Variants in UGT2A3 observed in about 807,000 individuals in gnomAD.
The protein encoded by UGT2A3 is UDP-glucuronosyltransferase 2A3.
A neutral mutation model predicts 44.1 loss-of-function variants in UGT2A3; 55 were observed. That is an observed-to-expected ratio of 1.25 (90% CI 1.00 to 1.56). The LOEUF (loss-of-function observed/expected upper bound fraction) is 1.56, where lower values mean the gene tolerates loss of function less well. UGT2A3 is among the 40% of genes most tolerant of loss of function. UGT2A3 has a pLI of 0.00. For missense variants in UGT2A3, 733 were observed against 621.6 expected (o/e 1.18, Z -1.91); for synonymous variants, 243 against 215.1 (o/e 1.13, Z -1.13).
intron 1 of UGT2A3, among the ~76,000 whole-genome samples, chr4:68,950,567 CTT>C (rs1718545773): frequency 6.6e-6 from 1 of 151,812 alleles, no homozygotes; most frequent in African/African-American, 2.4e-5. Context: ...AGTCTTTTAA[CTT>C]TTTATAATAT....
At chr4:68,935,240 C>G (rs974993756) in intron 2 of UGT2A3, among the ~76,000 whole-genome samples, 22 of 142,482 alleles carry the variant, frequency 1.5e-4, no homozygotes, top group African/African-American at 5.4e-4. Context: ...ACCCTGATCC[C>G]ACACCAGACA....
chr4:68,938,532 A>C (rs1308712718), intron 2 of UGT2A3, among the ~76,000 whole-genome samples: 1 of 152,148 alleles, frequency 6.6e-6, no homozygotes, highest in East Asian at 1.9e-4. Context: ...TCAATAAACT[A>C]GGAATTGATG....
intron 2 of UGT2A3, among the ~76,000 whole-genome samples, chr4:68,939,080 T>C (rs1451586054): frequency 6.6e-6 from 1 of 152,180 alleles, no homozygotes; most frequent in East Asian, 1.9e-4. Context: ...CATTCCATGC[T>C]CATGGATAGG....
chr4:68,949,602 T>C (rs988007157), intron 1 of UGT2A3, among the ~76,000 whole-genome samples: 3 of 151,900 alleles, frequency 2.0e-5, no homozygotes, highest in African/African-American at 7.2e-5. Flanking sequence ...TTACGCCAAA[T>C]TGATTAGCTT....
chr4:68,935,897 T>C (rs370174975), intron 2 of UGT2A3, among the ~76,000 whole-genome samples: 1 of 151,926 alleles, frequency 6.6e-6, no homozygotes, highest in Non-Finnish European at 1.5e-5. Flanking sequence ...AACCATAGCA[T>C]GAGAACGTCA....
chr4:68,930,646 C>A lies in UGT2A3; in HGVS notation c.1204G>T (p.Ala402Ser). Residue 402 changes from alanine to serine, a missense_variant, in exon 5 of 6, where the codon GCT (alanine) becomes TCT (serine). By Grantham distance (99) the Ala-to-Ser change is moderately conservative. Transcript: ENST00000251566. Reference protein sequence around the residue: ...PIFGDQLDNIAHMKAKGAAVE... With the variant: ...PIFGDQLDNISHMKAKGAAVE... ...GCTGCTCCTTTGGCCTTCATGTGAG[C>A]TATGTTATCAAGCTGATCACCAAAT... 1 of 1,613,534 alleles carries A rather than the reference C, an allele frequency of 6.2e-7. No individual in the cohort carries two copies. The highest frequency in any genetic ancestry group is 8.5e-7 in the Non-Finnish European group (1 of 1,179,686).
rs1717668194 is a variant in UGT2A3 at position 68,930,044 on chromosome 4, A to C, written c.1353T>G (p.Pro451=). The change falls in exon 6 of 6, where the codon CCT becomes CCG. Residue 451 remains proline (P), a synonymous_variant. Coordinates refer to ENST00000251566, the MANE Select transcript of UGT2A3 (RefSeq NM_024743.4). ...MRLSRIHHDQ[P]VKPLDRAVFW... is the part of the protein sequence containing the mutation. ...AGACTGCTCGATCTAGGGGCTTTACAGGTTGATCATGGTGAATTCTTGATA... is the reference window on the plus strand; with the variant it reads ...AGACTGCTCGATCTAGGGGCTTTACCGGTTGATCATGGTGAATTCTTGATA... 2 of 1,613,346 alleles carry C rather than the reference A, an allele frequency of 1.2e-6. No homozygotes were observed. The highest frequency in any genetic ancestry group is 1.7e-6 in the Non-Finnish European group (2 of 1,179,580).
intron 1 of UGT2A3, among the ~76,000 whole-genome samples, chr4:68,948,439 CTTTTTTTTTT>C (rs60082800): frequency 9.1e-5 from 10 of 110,160 alleles, no homozygotes; most frequent in South Asian, 8.4e-4. Flanking sequence ...TCTTTTTTTT[CTTTTTTTTTT>C]TTTTTTTTTT....
intron 2 of UGT2A3, among the ~76,000 whole-genome samples, chr4:68,934,004 T>C (rs1181942279): frequency 1.3e-5 from 2 of 151,992 alleles, no homozygotes; most frequent in Non-Finnish European, 2.9e-5. Context: ...ATCAGGTGGT[T>C]ATCTTTTTAA....
chr4:68,939,224 T>C (rs1428837369), intron 2 of UGT2A3, among the ~76,000 whole-genome samples: 1 of 151,798 alleles, frequency 6.6e-6, no homozygotes, highest in Non-Finnish European at 1.5e-5. Context: ...GAAGCAAAAA[T>C]GAGCCTGCAT....
At chr4:68,935,291 T>TATAC (rs1717900265) in intron 2 of UGT2A3, among the ~76,000 whole-genome samples, 1 of 80,050 alleles carries the variant, frequency 1.2e-5, no homozygotes, top group Non-Finnish European at 2.2e-5. Context: ...TATATATATA[T>TATAC]ATATATATAT....
At chr4:68,939,512 C>T (rs866827725) in intron 2 of UGT2A3, among the ~76,000 whole-genome samples, 39 of 151,758 alleles carry the variant, frequency 2.6e-4, no homozygotes, top group Middle Eastern at 3.4e-3. Context: ...AAAGTTGAAA[C>T]GGATCCCTTC....
chr4:68,929,981 C>T lies in UGT2A3; in HGVS notation c.1416G>A (p.Lys472=). 6.2e-7 allele frequency: 1 copy of T among 1,613,620 alleles called. No homozygotes were observed. Among genetic ancestry groups the T allele is most frequent in the Non-Finnish European group, 8.5e-7 (1 of 1,179,686 alleles). ...GGTCATGGGCAGCTGATCGCAGGTG[C>T]TTGGCTCCTTTGTGGCGCATGACAA... ...IEFVMRHKGA[K]HLRSAAHDLT... Residue 472 remains lysine, a synonymous_variant, in exon 6 of 6, where the codon AAG becomes AAA. Coordinates refer to ENST00000251566, the MANE Select transcript of UGT2A3 (RefSeq NM_024743.4).
At chr4:68,933,786 G>T (rs1460396860) in intron 2 of UGT2A3, among the ~76,000 whole-genome samples, 1 of 151,954 alleles carries the variant, frequency 6.6e-6, no homozygotes, top group Non-Finnish European at 1.5e-5. Flanking sequence ...TTAAGTTCTG[G>T]CACAGCATTA....
In UGT2A3 at chr4:68,928,697, C is replaced by G. The variant is rs895267995; in HGVS notation, c.*1116G>C. 1.3e-5 allele frequency: 2 copies of G among 151,822 alleles called. No homozygotes were observed. The highest frequency in any genetic ancestry group is 4.8e-5 in the African/African-American group (2 of 41,408). The allele number at this position is 151,822 out of a possible 1,614,324, so 9.4% of individuals were successfully genotyped here. ...GACAGTAAAAAAATGAGAAGATTAA[C>G]ATATTTGCTTATTAGTGTAAACATT... On this transcript the variant is annotated 3_prime_UTR_variant, in exon 6 of 6. Coordinates refer to ENST00000251566, the MANE Select transcript of UGT2A3 (RefSeq NM_024743.4).
chr4:68,949,992 C>T (rs915714009), intron 1 of UGT2A3, among the ~76,000 whole-genome samples: 4 of 151,848 alleles, frequency 2.6e-5, no homozygotes, highest in African/African-American at 9.7e-5. Flanking sequence ...CCTTTGATAA[C>T]ACTTTTGTTT....
Position 68,930,508 on chromosome 4 carries a change from T to C in UGT2A3, c.1304+38A>G, listed in dbSNP as rs563651575. On this transcript the variant is annotated intron_variant, in intron 5 of 5. Coordinates refer to ENST00000251566, the MANE Select transcript of UGT2A3 (RefSeq NM_024743.4). ...TTTTCTGGTATAATGTATAACATAG[T>C]CAATGTTAGATCAGTCTGTACAAGC... The C allele has an allele frequency of 3.3e-4, 499 of 1,503,382 alleles. 4 individuals are homozygous for C. In the South Asian group the frequency reaches 5.4e-3, roughly 16 times the overall value. The allele number at this position is 1,503,382 out of a possible 1,614,324, so 93.1% of individuals were successfully genotyped here.
At chr4:68,930,413 A>C (rs1197917988) in intron 5 of UGT2A3, 133 bp downstream of exon 5, 2 of 891,160 alleles carry the variant, frequency 2.2e-6, no homozygotes, top group African/African-American at 3.4e-5. Flanking sequence ...TATTCCAGTA[A>C]CAAGGTGATG....
chr4:68,935,903 C>G (rs1330390728), intron 2 of UGT2A3, among the ~76,000 whole-genome samples: 2 of 151,926 alleles, frequency 1.3e-5, no homozygotes, highest in Non-Finnish European at 2.9e-5. Context: ...AGCATGAGAA[C>G]GTCATGACAC....
Sources: allele counts gnomAD v4.1 joint callset (sites outside exome capture counted in the v4.1 genomes callset), GRCh38; gene constraint gnomAD v4.1.1; transcripts MANE v1.5; gene names NCBI Gene and HGNC (gene_info 2026-07-23, HGNC 2026-07-21).